Variants in RAB27A observed in about 807,000 individuals in gnomAD.
The protein encoded by RAB27A is ras-related protein Rab-27A.
In RAB27A, 17 loss-of-function variants were observed where a neutral mutation model predicts 20.8. The observed-to-expected ratio is 0.82, with a 90% CI of 0.56 to 1.23. RAB27A has a LOEUF of 1.23. RAB27A is among the 50% of genes most tolerant of loss of function. The probability of loss-of-function intolerance (pLI) is 0.00; values close to 1 mark genes in which losing one functional copy is unlikely to be tolerated. For missense variants in RAB27A, 277 were observed against 266.7 expected, an observed-to-expected ratio of 1.04 and a Z score of -0.27; for synonymous variants, 85 against 92.8, an observed-to-expected ratio of 0.92 and a Z score of 0.48.
At chr15:55,312,914 T>C (rs774258962) in intron 2 of RAB27A, among the ~76,000 whole-genome samples, 15 of 152,198 alleles carry the variant, frequency 9.9e-5, no homozygotes, top group Non-Finnish European at 1.9e-4. Context: ...TGTGCCACAA[T>C]TGAGCAGAAA....
chr15:55,204,714 A>G lies in RAB27A; in HGVS notation c.*793T>C, dbSNP rs1296381705. 1 of 152,296 alleles carries G rather than the reference A, an allele frequency of 6.6e-6. No homozygotes were observed. Among genetic ancestry groups the G allele is most frequent in the Non-Finnish European group, 1.5e-5 (1 of 68,054 alleles). 9.4% of individuals were successfully genotyped at this position (152,296 alleles called of 1,614,324 possible). ...GGTGCGGCCAGCACATAGGCCAAGTATAAATGTACAATCACAGTGAACTAA... is the reference window on the plus strand; with the variant it reads ...GGTGCGGCCAGCACATAGGCCAAGTGTAAATGTACAATCACAGTGAACTAA... On this transcript the variant is annotated 3_prime_UTR_variant, in exon 7 of 7. Coordinates refer to ENST00000336787, the MANE Select transcript of RAB27A (RefSeq NM_183235.3).
chr15:55,242,710 A>G (rs1896540116), intron 2 of RAB27A, among the ~76,000 whole-genome samples: 1 of 152,196 alleles, frequency 6.6e-6, no homozygotes, highest in Non-Finnish European at 1.5e-5. Context: ...CACAAAATCT[A>G]CCTTGGCATT....
chr15:55,243,105 A>G (rs1896555616), intron 2 of RAB27A, among the ~76,000 whole-genome samples: 1 of 152,200 alleles, frequency 6.6e-6, no homozygotes, highest in Non-Finnish European at 1.5e-5. Flanking sequence ...GAGTCCCTCT[A>G]TCAAGAAGCC....
At chr15:55,256,461 A>G (rs1213117769) in intron 2 of RAB27A, among the ~76,000 whole-genome samples, 1 of 152,208 alleles carries the variant, frequency 6.6e-6, no homozygotes, top group Non-Finnish European at 1.5e-5. Context: ...TCAAAGCAAG[A>G]GCCAGGACCT....
At chr15:55,312,124 T>C (rs1182185416) in intron 2 of RAB27A, among the ~76,000 whole-genome samples, 1 of 152,186 alleles carries the variant, frequency 6.6e-6, no homozygotes, top group Admixed American at 6.5e-5. Context: ...GCAGGAACAA[T>C]GGCAAGCCTT....
intron 6 of RAB27A, among the ~76,000 whole-genome samples, chr15:55,215,501 A>C (rs1895241867): frequency 6.6e-6 from 1 of 150,642 alleles, no homozygotes; most frequent in South Asian, 2.1e-4. Flanking sequence ...AAATACAAAA[A>C]ATTAGCCGGG....
intron 2 of RAB27A, among the ~76,000 whole-genome samples, chr15:55,306,274 A>G (rs956814524): frequency 1.3e-5 from 2 of 152,210 alleles, no homozygotes; most frequent in African/African-American, 4.8e-5. Flanking sequence ...TCCCTTGTTC[A>G]GGTACAGGGA....
intron 2 of RAB27A, among the ~76,000 whole-genome samples, chr15:55,263,343 A>G (rs1897343251): frequency 6.6e-6 from 1 of 151,954 alleles, no homozygotes; most frequent in African/African-American, 2.4e-5. Context: ...CAAATGTGCC[A>G]TATTACATTT....
chr15:55,302,263 C>T (rs530591211), intron 2 of RAB27A, among the ~76,000 whole-genome samples: 13 of 151,972 alleles, frequency 8.6e-5, no homozygotes, highest in Admixed American at 2.0e-4. Flanking sequence ...TTGGTGGAGA[C>T]GGGGTTTCGC....
intron 2 of RAB27A, among the ~76,000 whole-genome samples, chr15:55,299,384 A>C (rs1338200424): frequency 6.6e-6 from 1 of 152,188 alleles, no homozygotes; most frequent in Non-Finnish European, 1.5e-5. Context: ...ACCTGAGGTC[A>C]GGAGTTCAAC....
chr15:55,205,245 T>C lies in RAB27A; in HGVS notation c.*262A>G, dbSNP rs1894584640. 4.0e-6 allele frequency: 2 copies of C among 502,658 alleles called. No individual in the cohort carries two copies. Among genetic ancestry groups the C allele is most frequent in the African/African-American group, 1.9e-5 (1 of 51,748 alleles). The allele number at this position is 502,658 out of a possible 1,614,324, so 31.1% of individuals were successfully genotyped here. A position where few individuals can be genotyped will look rare whatever the true frequency, so the allele number is the denominator to read the frequency against. ...TGCAAAATTCTGAATCCTTGAATGA[T>C]TTACTATAATAGGCTAAGGTTGTAT... is the stretch of plus-strand genomic sequence containing the variant. On this transcript the variant is annotated 3_prime_UTR_variant, in exon 7 of 7. Coordinates refer to ENST00000336787, the MANE Select transcript of RAB27A (RefSeq NM_183235.3).
intron 2 of RAB27A, among the ~76,000 whole-genome samples, chr15:55,269,543 T>G (rs1897633608): frequency 6.6e-6 from 1 of 152,082 alleles, no homozygotes; most frequent in African/African-American, 2.4e-5. Flanking sequence ...GGTCAGGAGT[T>G]AGAAAGCAGG....
chr15:55,247,808 T>C (rs561986013), intron 2 of RAB27A, among the ~76,000 whole-genome samples: 1 of 152,278 alleles, frequency 6.6e-6, no homozygotes, highest in South Asian at 2.1e-4. Context: ...TCATTGACTT[T>C]GTACAAAATG....
chr15:55,235,066 T>A, intron 2 of RAB27A, 110 bp from the exon 3 acceptor site: 4 of 865,884 alleles, frequency 4.6e-6, no homozygotes, highest in Non-Finnish European at 7.2e-6. Flanking sequence ...AACCTGTATG[T>A]CTACGGGTTG....
intron 1 of RAB27A, chr15:55,270,719 A>C (rs1359156491): frequency 6.6e-6 from 1 of 152,264 alleles, no homozygotes. Context: ...GGGGGATCAA[A>C]TGGAAGTGGC....
chr15:55,241,611 T>TATGTGTATATATATATATATATATATAC (rs1896488268), intron 2 of RAB27A, among the ~76,000 whole-genome samples: 1 of 132,964 alleles, frequency 7.5e-6, no homozygotes, highest in African/African-American at 3.6e-5. Context: ...TATATATATA[T>TATGTGTATATATATATATATATATATAC]ATATATATAT....
intron 1 of RAB27A, among the ~76,000 whole-genome samples, chr15:55,286,175 T>C (rs955566950): frequency 1.3e-5 from 2 of 152,216 alleles, no homozygotes; most frequent in Admixed American, 1.3e-4. Flanking sequence ...GGGTTGGGCC[T>C]GGTTAGTACT....
chr15:55,247,428 G>C (rs904842915), intron 2 of RAB27A, among the ~76,000 whole-genome samples: 1 of 151,240 alleles, frequency 6.6e-6, no homozygotes, highest in Non-Finnish European at 1.5e-5. Flanking sequence ...ACATTGCAAA[G>C]AGAATTTCCA....
chr15:55,219,314 A>T (rs1895457415), intron 6 of RAB27A, among the ~76,000 whole-genome samples: 1 of 152,230 alleles, frequency 6.6e-6, no homozygotes. Flanking sequence ...TTTTCCAATG[A>T]GAAGTCATTG....
Sources: allele counts gnomAD v4.1 joint callset (sites outside exome capture counted in the v4.1 genomes callset), GRCh38; gene constraint gnomAD v4.1.1; transcripts MANE v1.5; gene names NCBI Gene and HGNC (gene_info 2026-07-23, HGNC 2026-07-21).